The following VPS13D variants were observed in gnomAD, a reference collection of about 807,000 sequenced individuals.
VPS13D encodes the protein intermembrane lipid transfer protein VPS13D.
Under a neutral mutation model 461.9 loss-of-function variants are expected in VPS13D, and 187 were observed. The observed-to-expected ratio is 0.40, with a 90% CI of 0.36 to 0.46. VPS13D has a LOEUF of 0.46. Ranked by LOEUF, VPS13D falls within the 20% of genes least tolerant of loss-of-function variation. The pLI, the probability that VPS13D is intolerant of heterozygous loss-of-function variation, is 0.60. For synonymous variants in VPS13D, 1,951 were observed against 1,986.3 expected (o/e 0.98, Z 0.47); for missense variants, 4,711 against 5,364.9 (o/e 0.88, Z 3.81).
intron 23 of VPS13D, among the ~76,000 whole-genome samples, chr1:12,292,691 G>A (rs1170482237): frequency 3.3e-5 from 5 of 151,956 alleles, no homozygotes; most frequent in East Asian, 3.9e-4. Context: ...TACCGGCCTC[G>A]GCCTCCCAAA....
intron 49 of VPS13D, 26 bp downstream of exon 49, chr1:12,356,550 G>C (rs1643887429): frequency 1.2e-6 from 2 of 1,605,372 alleles, no homozygotes; most frequent in African/African-American, 1.3e-5. Context: ...TATGGGAAGG[G>C]GAAATAAGCT....
intron 63 of VPS13D, among the ~76,000 whole-genome samples, chr1:12,409,348 G>A (rs954147523): frequency 6.6e-6 from 1 of 152,066 alleles, no homozygotes; most frequent in Non-Finnish European, 1.5e-5. Context: ...TCAATTAAAT[G>A]TATTCTTGTT....
At chr1:12,264,945 T>C (rs1323064610) in intron 13 of VPS13D, among the ~76,000 whole-genome samples, 1 of 152,194 alleles carries the variant, frequency 6.6e-6, no homozygotes, top group Non-Finnish European at 1.5e-5. Context: ...CCAGTGCAGC[T>C]GGTGACTTTA....
At chr1:12,410,165 T>C (rs1380695676) in intron 63 of VPS13D, among the ~76,000 whole-genome samples, 1 of 152,226 alleles carries the variant, frequency 6.6e-6, no homozygotes, top group Non-Finnish European at 1.5e-5. Flanking sequence ...TCTTGAGATA[T>C]TTGATGATTT....
At chr1:12,366,907 C>T (rs2101622240) in intron 52 of VPS13D, among the ~76,000 whole-genome samples, 1 of 152,156 alleles carries the variant, frequency 6.6e-6, no homozygotes, top group East Asian at 1.9e-4. Context: ...CCATAAAAAC[C>T]TCACTTATCA....
At chr1:12,453,547 G>C (rs992064054) in intron 65 of VPS13D, among the ~76,000 whole-genome samples, 1 of 152,180 alleles carries the variant, frequency 6.6e-6, no homozygotes, top group Non-Finnish European at 1.5e-5. Flanking sequence ...GCACCAGAGA[G>C]ACACGTTTTT....
At chr1:12,270,562 C>T (rs369050156) in intron 16 of VPS13D, among the ~76,000 whole-genome samples, 1 of 152,188 alleles carries the variant, frequency 6.6e-6, no homozygotes, top group Non-Finnish European at 1.5e-5. Context: ...TGGAATCTTT[C>T]AGAAAATGGC....
chr1:12,430,157 G>A (rs1423699084), intron 65 of VPS13D, among the ~76,000 whole-genome samples: 4 of 152,186 alleles, frequency 2.6e-5, no homozygotes, highest in Non-Finnish European at 5.9e-5. Context: ...TTGGAAATGA[G>A]CAAGGATCAT....
intron 65 of VPS13D, among the ~76,000 whole-genome samples, chr1:12,429,606 A>T (rs569282572): frequency 1.3e-5 from 2 of 152,334 alleles, no homozygotes; most frequent in African/African-American, 4.8e-5. Flanking sequence ...CAAACTTTTT[A>T]AAAGTTTATT....
chr1:12,346,595 T>C lies in VPS13D; in HGVS notation c.9022-10T>C, dbSNP rs1391726540. ...TCTGTGCTGACTCTAACTTTTGAAATCTTTTTCAGATTGGCAGCCCAAGCA... is the reference window on the plus strand; with the variant it reads ...TCTGTGCTGACTCTAACTTTTGAAACCTTTTTCAGATTGGCAGCCCAAGCA... On this transcript the variant is annotated splice_polypyrimidine_tract_variant and intron_variant, in intron 43 of 69. Coordinates refer to ENST00000620676, the MANE Select transcript of VPS13D (RefSeq NM_015378.4). 1.2e-6 allele frequency: 2 copies of C among 1,612,806 alleles called. No individual in the cohort carries two copies. The highest frequency in any genetic ancestry group is 1.1e-5 in the South Asian group (1 of 90,730).
intron 25 of VPS13D, among the ~76,000 whole-genome samples, chr1:12,303,150 G>T (rs1642472141): frequency 6.6e-6 from 1 of 152,164 alleles, no homozygotes; most frequent in Non-Finnish European, 1.5e-5. Context: ...TGTCTAATAT[G>T]CATTCCAGTG....
intron 60 of VPS13D, among the ~76,000 whole-genome samples, chr1:12,391,594 C>A (rs1304239418): frequency 6.6e-6 from 1 of 152,176 alleles, no homozygotes; most frequent in Non-Finnish European, 1.5e-5. Flanking sequence ...AGGTGTGCAC[C>A]ACCACATGCA....
At chr1:12,384,013 T>G (rs1644317936) in intron 58 of VPS13D, among the ~76,000 whole-genome samples, 1 of 152,196 alleles carries the variant, frequency 6.6e-6, no homozygotes, top group Non-Finnish European at 1.5e-5. Context: ...GTGGTTTTTC[T>G]AAGGCAACAA....
intron 46 of VPS13D, among the ~76,000 whole-genome samples, chr1:12,352,001 AAAAG>A (rs901758389): frequency 1.3e-5 from 2 of 151,662 alleles, no homozygotes; most frequent in African/African-American, 4.8e-5. Context: ...TTAAGAGACT[AAAAG>A]AAAGTCAAGT....
chr1:12,427,021 T>C (rs1260157591), intron 65 of VPS13D, among the ~76,000 whole-genome samples: 1 of 149,586 alleles, frequency 6.7e-6, no homozygotes, highest in Non-Finnish European at 1.5e-5. Flanking sequence ...TCTCAAGAAA[T>C]AAATAAATAA....
At chr1:12,497,291 C>A in intron 67 of VPS13D, 1 of 433,700 alleles carries the variant, frequency 2.3e-6, no homozygotes, top group Non-Finnish European at 3.8e-6. Context: ...ATCACATGGC[C>A]AGAAAATGGT....
chr1:12,494,559 G>A (rs565326192), intron 67 of VPS13D, among the ~76,000 whole-genome samples: 17 of 152,272 alleles, frequency 1.1e-4, no homozygotes, highest in Admixed American at 5.2e-4. Flanking sequence ...GCCATCTTTC[G>A]TTGGCTTCTC....
intron 65 of VPS13D, among the ~76,000 whole-genome samples, chr1:12,441,740 A>T (rs1354736129): frequency 6.6e-6 from 1 of 152,220 alleles, no homozygotes; most frequent in African/African-American, 2.4e-5. Flanking sequence ...AATCCAAATC[A>T]ATACCTTTCA....
intron 43 of VPS13D, 127 bp downstream of exon 43, chr1:12,345,636 G>T: frequency 7.6e-7 from 1 of 1,313,210 alleles, no homozygotes; most frequent in East Asian, 2.4e-5. Flanking sequence ...GACTGACTGG[G>T]TCAGTCATAG....
Sources: allele counts gnomAD v4.1 joint callset (sites outside exome capture counted in the v4.1 genomes callset), GRCh38; gene constraint gnomAD v4.1.1; transcripts MANE v1.5; gene names NCBI Gene and HGNC (gene_info 2026-07-23, HGNC 2026-07-21).